Variants in ACADSB observed in about 807,000 individuals in gnomAD.
The protein encoded by ACADSB is acyl-CoA dehydrogenase short/branched chain.
ACADSB carries 40 observed loss-of-function variants against 54.1 expected under a neutral mutation model. The ratio of observed to expected loss-of-function variants is 0.74; its 90% confidence interval spans 0.57 to 0.96. The LOEUF (loss-of-function observed/expected upper bound fraction) is 0.96. Ranked by LOEUF, ACADSB falls within the 40% of genes least tolerant of loss-of-function variation. The pLI is 0.00. For synonymous variants in ACADSB, 182 were observed against 182.8 expected (o/e 1.00, Z 0.03); for missense variants, 530 against 510.4 (o/e 1.04, Z -0.37).
chr10:123,030,253 CGGT>C (rs1397325652), intron 1 of ACADSB, among the ~76,000 whole-genome samples: 3 of 152,102 alleles, frequency 2.0e-5, no homozygotes, highest in African/African-American at 7.2e-5. Context: ...TAGCTGGGCA[CGGT>C]GGCTCACGCC....
At chr10:123,030,662 T>G (rs1850314697) in intron 1 of ACADSB, among the ~76,000 whole-genome samples, 1 of 152,210 alleles carries the variant, frequency 6.6e-6, no homozygotes, top group African/African-American at 2.4e-5. Flanking sequence ...TCCTTTGCCT[T>G]TCATATATTG....
At chr10:123,045,145 ATATATATATATATATATATATATATAT>A (rs1439793283) in intron 7 of ACADSB, among the ~76,000 whole-genome samples, 306 of 11,514 alleles carry the variant, frequency 0.027, 18 homozygotes, top group South Asian at 0.13. Context: ...ATATATATAT[ATATATATATATATATATATATATATAT>A]TTTTTTTTTT....
At chr10:123,010,593 T>C (rs190044021) in intron 1 of ACADSB, among the ~76,000 whole-genome samples, 1 of 152,318 alleles carries the variant, frequency 6.6e-6, no homozygotes, top group Non-Finnish European at 1.5e-5. Flanking sequence ...GGTTATGCTT[T>C]GGGTCTCAGT....
rs1589746964 is a variant in ACADSB at position 123,053,780 on chromosome 10, G to T, written c.*15G>T. ...CAGAATACTGACGTCTATAGGAGTG[G>T]GACCCCTCCCTGGTGTCACTGCTGT... On this transcript the variant is annotated 3_prime_UTR_variant, in exon 11 of 11. Coordinates refer to ENST00000358776, the MANE Select transcript of ACADSB (RefSeq NM_001609.4). 1 of 1,609,206 alleles carries T rather than the reference G, an allele frequency of 6.2e-7. No homozygotes were observed. Among genetic ancestry groups the T allele is most frequent in the East Asian group, 2.2e-5 (1 of 44,850 alleles).
rs1351437699 is a variant in ACADSB, at chr10:123,057,474, C to A, written c.*3709C>A. ...CTTCTGATAACCATGACTTCAGGAGCTTTAAAACTATCTATCTTGCATTTG... is the reference window on the plus strand; with the variant it reads ...CTTCTGATAACCATGACTTCAGGAGATTTAAAACTATCTATCTTGCATTTG... On this transcript the variant is annotated 3_prime_UTR_variant, in exon 11 of 11. Transcript: ENST00000358776. 1 of 152,114 alleles carries A rather than the reference C, an allele frequency of 6.6e-6. No individual in the cohort carries two copies. The highest frequency in any genetic ancestry group is 1.5e-5 in the Non-Finnish European group (1 of 68,012). The allele number at this position is 152,114 out of a possible 1,614,324, so 9.4% of individuals were successfully genotyped here. A position where few individuals can be genotyped will look rare whatever the true frequency, so the allele number is the denominator to read the frequency against.
chr10:123,054,321 G>A lies in ACADSB; in HGVS notation c.*556G>A. The A allele has an allele frequency of 6.5e-6, 1 of 154,702 alleles. No homozygotes were observed. Among genetic ancestry groups the A allele is most frequent in the Admixed American group, 6.3e-5 (1 of 15,908 alleles). The allele number at this position is 154,702 out of a possible 1,614,324, so 9.6% of individuals were successfully genotyped here. A position where few individuals can be genotyped will look rare whatever the true frequency, so the allele number is the denominator to read the frequency against. On this transcript the variant is annotated 3_prime_UTR_variant, in exon 11 of 11. Coordinates refer to ENST00000358776, the MANE Select transcript of ACADSB (RefSeq NM_001609.4). ...AGGGATGAGCCACCGTGCCTGGCTGGGTATTTATATTATCATTCTAGTTTC... is the reference window on the plus strand; with the variant it reads ...AGGGATGAGCCACCGTGCCTGGCTGAGTATTTATATTATCATTCTAGTTTC...
chr10:123,048,015 T>C (rs1192764362), intron 8 of ACADSB, among the ~76,000 whole-genome samples: 3 of 152,286 alleles, frequency 2.0e-5, no homozygotes, highest in African/African-American at 7.2e-5. Context: ...CTCCTTGAGA[T>C]CTTGCCAGGG....
intron 1 of ACADSB, among the ~76,000 whole-genome samples, chr10:123,017,399 C>T (rs748981118): frequency 6.6e-6 from 1 of 152,170 alleles, no homozygotes; most frequent in Non-Finnish European, 1.5e-5. Context: ...CTCACTGCAA[C>T]CTCCTCTTCC....
At position 123,055,884 on chromosome 10, in the gene ACADSB, T is replaced by C. The variant is rs1167405429; in HGVS notation, c.*2119T>C. On this transcript the variant is annotated 3_prime_UTR_variant, in exon 11 of 11. Coordinates refer to ENST00000358776, the MANE Select transcript of ACADSB (RefSeq NM_001609.4). The stretch of plus-strand genomic sequence containing the variant: ...ACAAATCTCTAAGGCAAGGGAAAGA[T>C]GCTGCCAGTCTCTTTGCTAAAACAC... 1.3e-5 allele frequency: 2 copies of C among 152,232 alleles called. No individual in the cohort carries two copies. Among genetic ancestry groups the C allele is most frequent in the South Asian group, 4.1e-4 (2 of 4,834 alleles). The allele number at this position is 152,232 out of a possible 1,614,324, so 9.4% of individuals were successfully genotyped here. A position where few individuals can be genotyped will look rare whatever the true frequency, so the allele number is the denominator to read the frequency against.
chr10:123,043,236 G>T, intron 6 of ACADSB, 65 bp downstream of exon 6: 6 of 1,597,590 alleles, frequency 3.8e-6, no homozygotes, highest in Non-Finnish European at 5.1e-6. Context: ...AACCACAGGA[G>T]GTGTGCAAGA....
rs1258857595 is a variant in ACADSB at position 123,058,068 on chromosome 10, A to C, written c.*4303A>C. 3.9e-5 allele frequency: 6 copies of C among 152,244 alleles called. No homozygotes were observed. In the East Asian group the frequency reaches 1.2e-3, roughly 29 times the overall value. 9.4% of individuals were successfully genotyped at this position (152,244 alleles called of 1,614,324 possible). ...CTGGCTCTCCTCAGCTGTAACCAGCATGTCAAATGTGAAGATTATTGTGTG... is the reference window on the plus strand; with the variant it reads ...CTGGCTCTCCTCAGCTGTAACCAGCCTGTCAAATGTGAAGATTATTGTGTG... On this transcript the variant is annotated 3_prime_UTR_variant, in exon 11 of 11. Coordinates refer to ENST00000358776, the MANE Select transcript of ACADSB (RefSeq NM_001609.4).
chr10:123,022,406 C>T (rs1220868423), intron 1 of ACADSB, among the ~76,000 whole-genome samples: 2 of 152,176 alleles, frequency 1.3e-5, no homozygotes, highest in African/African-American at 4.8e-5. Context: ...TCTCCACTGC[C>T]CCTCCCAGAA....
intron 1 of ACADSB, among the ~76,000 whole-genome samples, chr10:123,028,263 T>C (rs59888358): frequency 1.2e-3 from 185 of 151,952 alleles, no homozygotes; most frequent in African/African-American, 4.3e-3. Flanking sequence ...TTAATTATTG[T>C]AACAATATTC....
In ACADSB at chr10:123,057,872, C is replaced by T. The variant is rs1850728228; in HGVS notation, c.*4107C>T. 6.6e-6 allele frequency: 1 copy of T among 152,216 alleles called. No individual in the cohort carries two copies. The highest frequency in any genetic ancestry group is 2.4e-5 in the African/African-American group (1 of 41,462). The allele number at this position is 152,216 out of a possible 1,614,324, so 9.4% of individuals were successfully genotyped here. ...AGAATTAGTCCCCAAATTCAGTGTT[C>T]TTCCTAGTATTAAACATTGCCCCTT... On this transcript the variant is annotated 3_prime_UTR_variant, in exon 11 of 11. Coordinates refer to ENST00000358776, the MANE Select transcript of ACADSB (RefSeq NM_001609.4).
chr10:123,010,922 A>T (rs1322825793), intron 1 of ACADSB, among the ~76,000 whole-genome samples: 1 of 152,202 alleles, frequency 6.6e-6, no homozygotes, highest in Admixed American at 6.5e-5. Flanking sequence ...GATAGAAATG[A>T]CTAGGACCAT....
At chr10:123,042,916 AT>A in intron 5 of ACADSB, 129 bp from the exon 6 acceptor site, 2 of 962,868 alleles carry the variant, frequency 2.1e-6, no homozygotes, top group Admixed American at 2.0e-5. Context: ...CATAATGCCC[AT>A]GTTGCAATTC....
chr10:123,009,197 C>A, intron 1 of ACADSB, 126 bp downstream of exon 1: 1 of 1,090,044 alleles, frequency 9.2e-7, no homozygotes, highest in South Asian at 1.4e-5. Context: ...TCCTGGGTCC[C>A]CAGACTCTTT....
chr10:123,034,323 T>C, intron 1 of ACADSB, 33 bp from the exon 2 acceptor site: 1 of 1,605,784 alleles, frequency 6.2e-7, no homozygotes, highest in Non-Finnish European at 8.5e-7. Context: ...GATATTCAAG[T>C]ACCTTTCTTT....
chr10:123,034,984 C>T (rs1278373010), intron 2 of ACADSB, among the ~76,000 whole-genome samples: 1 of 149,966 alleles, frequency 6.7e-6, no homozygotes, highest in Non-Finnish European at 1.5e-5. Context: ...GAGTCTCACT[C>T]TGACACCCAG....
Sources: allele counts gnomAD v4.1 joint callset (sites outside exome capture counted in the v4.1 genomes callset), GRCh38; gene constraint gnomAD v4.1.1; transcripts MANE v1.5; gene names NCBI Gene and HGNC (gene_info 2026-07-23, HGNC 2026-07-21).